Variants in UST observed in about 807,000 individuals in gnomAD.
The protein encoded by UST is chondroitin sulfate 2-O-sulfotransferase.
UST carries 21 observed loss-of-function variants against 45.6 expected under a neutral mutation model. The ratio of observed to expected loss-of-function variants is 0.46; its 90% CI spans 0.33 to 0.66. UST has a LOEUF of 0.66. UST is among the 30% of genes least tolerant of loss of function. The pLI is 0.02. For synonymous variants in UST, 215 were observed against 200.6 expected (o/e 1.07, Z -0.61); for missense variants, 463 against 512.4 (o/e 0.90, Z 0.93).
chr6:148,822,080 A>G (rs1012733603), intron 1 of UST, among the ~76,000 whole-genome samples: 2 of 152,148 alleles, frequency 1.3e-5, no homozygotes, highest in East Asian at 1.9e-4. Context: ...GGTTTTTTTT[A>G]GTAGAGAATA....
chr6:149,000,336 C>T (rs1223771340), intron 5 of UST, among the ~76,000 whole-genome samples: 1 of 152,186 alleles, frequency 6.6e-6, no homozygotes, highest in African/African-American at 2.4e-5. Flanking sequence ...GTAATATTCT[C>T]ATTGCTCTCA....
At chr6:148,944,291 T>C (rs1227666590) in intron 3 of UST, among the ~76,000 whole-genome samples, 1 of 152,190 alleles carries the variant, frequency 6.6e-6, no homozygotes, top group Admixed American at 6.5e-5. Flanking sequence ...AAACAGGCTC[T>C]TGTGGGCTGG....
At chr6:149,049,962 C>G (rs11155616) in intron 7 of UST, among the ~76,000 whole-genome samples, 1,871 of 146,960 alleles carry the variant, frequency 0.013, 31 homozygotes, top group African/African-American at 0.035. Flanking sequence ...CACACACACA[C>G]ACACGTGGCC....
At chr6:149,001,207 GACTGCAGGC>G in intron 5 of UST, among the ~76,000 whole-genome samples, 1 of 152,192 alleles carries the variant, frequency 6.6e-6, no homozygotes, top group African/African-American at 2.4e-5. Context: ...GAGTAGCTGG[GACTGCAGGC>G]ACCTACCACC....
chr6:149,019,434 G>T (rs1046124206), intron 6 of UST, among the ~76,000 whole-genome samples, 198 bp downstream of exon 6: 1 of 152,112 alleles, frequency 6.6e-6, no homozygotes, highest in Non-Finnish European at 1.5e-5. Flanking sequence ...AAAAATCAGG[G>T]TCTGTAGAGG....
chr6:148,880,209 C>G (rs1778798783), intron 1 of UST, among the ~76,000 whole-genome samples: 1 of 152,156 alleles, frequency 6.6e-6, no homozygotes, highest in African/African-American at 2.4e-5. Flanking sequence ...CCCACCTCAG[C>G]TTCTCAAAGT....
chr6:149,021,173 T>C, intron 6 of UST, 151 bp from the exon 7 acceptor site: 3 of 789,470 alleles, frequency 3.8e-6, no homozygotes, highest in Non-Finnish European at 5.9e-6. Flanking sequence ...GGGAAGGCCC[T>C]GGATGGGGCT....
rs115550445 is a variant in UST at position 148,864,928 on chromosome 6, A to T, written c.248-22058A>T. 8.4e-3 allele frequency among the ~76,000 whole-genome samples: 1,284 copies of T among 152,346 alleles called. 21 individuals are homozygous for T. Among genetic ancestry groups the T allele is most frequent in the African/African-American group, 0.029 (1,209 of 41,578 alleles). ...TCCACAAGTGCTAATAAAAATTTTTAAAATGTGGTGTGCATTATTTATATA... is the reference window on the plus strand; with the variant it reads ...TCCACAAGTGCTAATAAAAATTTTTTAAATGTGGTGTGCATTATTTATATA... On this transcript the variant is annotated intron_variant, in intron 1 of 7. Coordinates refer to ENST00000367463, the MANE Select transcript of UST (RefSeq NM_005715.3).
Position 148,841,570 on chromosome 6 carries a change from G to A in UST, c.248-45416G>A, listed in dbSNP as rs948313013. Among the ~76,000 whole-genome samples, 24 of 145,904 alleles carry A rather than the reference G, an allele frequency of 1.6e-4. No individual in the cohort carries two copies. The Admixed American group carries it at 1.7e-3, about 10-fold the overall frequency. ...GCTGTGCTTTATAATTTGCCCAAGGGGGTCTGTTTTGTTTTTGTTTTTTTT... is the reference window on the plus strand; with the variant it reads ...GCTGTGCTTTATAATTTGCCCAAGGAGGTCTGTTTTGTTTTTGTTTTTTTT... On this transcript the variant is annotated intron_variant, in intron 1 of 7. Transcript: ENST00000367463.
At chr6:148,990,782 T>C (rs1781333819) in intron 5 of UST, among the ~76,000 whole-genome samples, 1 of 152,344 alleles carries the variant, frequency 6.6e-6, no homozygotes, top group East Asian at 1.9e-4. Flanking sequence ...CAAACTGCAA[T>C]ATTTATAAGA....
chr6:148,757,043 T>C (rs1776114537), intron 1 of UST, among the ~76,000 whole-genome samples: 1 of 152,218 alleles, frequency 6.6e-6, no homozygotes. Flanking sequence ...GGTTGCCCAT[T>C]CTAGAGTGTA....
chr6:148,902,064 T>G (rs1779269779), intron 2 of UST, among the ~76,000 whole-genome samples: 1 of 152,216 alleles, frequency 6.6e-6, no homozygotes, highest in Non-Finnish European at 1.5e-5. Flanking sequence ...AATTCCTGAT[T>G]TTTTATATGA....
rs958731430 is a variant in UST at position 149,075,310 on chromosome 6, A to T, written c.*1194A>T. 3 of 152,198 alleles carry T rather than the reference A, an allele frequency of 2.0e-5. No individual in the cohort carries two copies. The highest frequency in any genetic ancestry group is 4.8e-5 in the African/African-American group (2 of 41,428). The allele number at this position is 152,198 out of a possible 1,614,324, so 9.4% of individuals were successfully genotyped here. ...AGTTCCCTAAGAGGTACCTGTTTTC[A>T]GTAAAAAGGGGTCCTGAGTTCTGTG... On this transcript the variant is annotated 3_prime_UTR_variant, in exon 8 of 8. Coordinates refer to ENST00000367463, the MANE Select transcript of UST (RefSeq NM_005715.3).
At chr6:148,848,165 A>G (rs2114781996) in intron 1 of UST, among the ~76,000 whole-genome samples, 1 of 152,348 alleles carries the variant, frequency 6.6e-6, no homozygotes, top group Admixed American at 6.5e-5. Flanking sequence ...GAAACAGAGC[A>G]AACAAAATAT....
At chr6:148,883,821 G>A (rs1214977316) in intron 1 of UST, among the ~76,000 whole-genome samples, 1 of 152,140 alleles carries the variant, frequency 6.6e-6, no homozygotes, top group Non-Finnish European at 1.5e-5. Context: ...TCCATGATTA[G>A]TGCTTCTGTT....
At chr6:148,866,842 C>G (rs1778442141) in intron 1 of UST, among the ~76,000 whole-genome samples, 1 of 152,052 alleles carries the variant, frequency 6.6e-6, no homozygotes, top group Non-Finnish European at 1.5e-5. Flanking sequence ...TTCAATTATT[C>G]TCTGTTACAT....
At chr6:149,061,400 T>C (rs980161215) in intron 7 of UST, among the ~76,000 whole-genome samples, 1 of 152,196 alleles carries the variant, frequency 6.6e-6, no homozygotes, top group African/African-American at 2.4e-5. Context: ...GCTGCTATGT[T>C]TGCAAAAAAT....
At chr6:148,850,411 G>A (rs62426086) in intron 1 of UST, among the ~76,000 whole-genome samples, 11,323 of 152,166 alleles carry the variant, frequency 0.074, 494 homozygotes, top group Non-Finnish European at 0.11. Context: ...CAGAGTCCAA[G>A]GCAAACCAGC....
At chr6:148,848,092 A>G (rs1274630966) in intron 1 of UST, among the ~76,000 whole-genome samples, 1 of 152,242 alleles carries the variant, frequency 6.6e-6, no homozygotes, top group Non-Finnish European at 1.5e-5. Context: ...TCTTAGGGTC[A>G]TATAAAAGTA....
Sources: gnomAD v4.1 joint callset for allele counts (sites outside exome capture counted in the v4.1 genomes callset) on GRCh38, gnomAD v4.1.1 for gene constraint, MANE v1.5 for transcripts, NCBI Gene and HGNC (gene_info 2026-07-23, HGNC 2026-07-21) for gene names.